CORIN: variants seen among roughly 807,000 people sequenced by gnomAD.
CORIN encodes corin, serine peptidase.
CORIN carries 117 observed loss-of-function variants against 125.3 expected under a neutral mutation model. The ratio of observed to expected loss-of-function variants is 0.93; its 90% CI spans 0.80 to 1.09. The LOEUF (loss-of-function observed/expected upper bound fraction) is 1.09, where lower values mean the gene tolerates loss of function less well. Among genes scored for constraint, CORIN ranks in the 50% least tolerant of loss-of-function variants. The pLI, the probability that CORIN is intolerant of heterozygous loss-of-function variation, is 0.00. For synonymous variants in CORIN, 450 were observed against 466.4 expected, an observed-to-expected ratio of 0.96 and a Z score of 0.45; for missense variants, 1,253 against 1,306.7, an observed-to-expected ratio of 0.96 and a Z score of 0.63.
chr4:47,745,228 C>T (rs1349877294), intron 4 of CORIN, among the ~76,000 whole-genome samples: 2 of 152,180 alleles, frequency 1.3e-5, no homozygotes. Flanking sequence ...ACTTAACATG[C>T]CATGAAACAG....
chr4:47,658,746 C>T (rs1267876286), intron 12 of CORIN, among the ~76,000 whole-genome samples: 1 of 152,222 alleles, frequency 6.6e-6, no homozygotes, highest in Non-Finnish European at 1.5e-5. Flanking sequence ...ATTGTCTTAG[C>T]TCTTTGCTCC....
chr4:47,659,453 C>T (rs1724146572), intron 12 of CORIN, among the ~76,000 whole-genome samples: 1 of 152,156 alleles, frequency 6.6e-6, no homozygotes, highest in African/African-American at 2.4e-5. Flanking sequence ...GCAGCCTTTA[C>T]AGGAACCATG....
chr4:47,786,992 A>C (rs1730846614), intron 2 of CORIN, 67 bp from the exon 3 acceptor site: 1 of 1,128,590 alleles, frequency 8.9e-7, no homozygotes, highest in South Asian at 1.6e-5. Context: ...TTTATTTTAA[A>C]AAACATTAAG....
chr4:47,655,831 C>T (rs1162222813), intron 12 of CORIN, among the ~76,000 whole-genome samples: 1 of 141,648 alleles, frequency 7.1e-6, no homozygotes, highest in Non-Finnish European at 1.5e-5. Flanking sequence ...TTAAGTAATA[C>T]TTAAAAGTCT....
At chr4:47,709,390 C>G (rs1222754148) in intron 5 of CORIN, among the ~76,000 whole-genome samples, 1 of 152,072 alleles carries the variant, frequency 6.6e-6, no homozygotes, top group Admixed American at 6.5e-5. Context: ...ATCTCCCAGG[C>G]TCAAGCAATC....
intron 1 of CORIN, among the ~76,000 whole-genome samples, chr4:47,818,444 A>G (rs1360814331): frequency 6.6e-6 from 1 of 152,212 alleles, no homozygotes; most frequent in Non-Finnish European, 1.5e-5. Context: ...AGGAAGAAAG[A>G]CAAGTTCTCA....
chr4:47,809,237 A>G (rs930617839), intron 1 of CORIN, among the ~76,000 whole-genome samples: 9 of 152,184 alleles, frequency 5.9e-5, no homozygotes, highest in African/African-American at 2.2e-4. Flanking sequence ...TCCTGGAGCC[A>G]GATACATCTC....
intron 9 of CORIN, among the ~76,000 whole-genome samples, chr4:47,675,349 A>G (rs1488929708): frequency 6.6e-6 from 1 of 152,170 alleles, no homozygotes; most frequent in Non-Finnish European, 1.5e-5. Context: ...TCTTACCTAT[A>G]ATTCTAAGAT....
At chr4:47,799,852 A>T (rs542413096) in intron 2 of CORIN, among the ~76,000 whole-genome samples, 9 of 152,334 alleles carry the variant, frequency 5.9e-5, no homozygotes, top group African/African-American at 2.2e-4. Context: ...AATAACCCAA[A>T]TGTCTATCAA....
chr4:47,796,625 A>T (rs1008076083), intron 2 of CORIN, among the ~76,000 whole-genome samples: 3 of 152,204 alleles, frequency 2.0e-5, no homozygotes, highest in Admixed American at 6.5e-5. Flanking sequence ...TTTGGAGGTG[A>T]TGGATATGTT....
intron 4 of CORIN, among the ~76,000 whole-genome samples, chr4:47,760,796 A>G (rs1267799263): frequency 1.3e-5 from 2 of 152,198 alleles, no homozygotes; most frequent in Non-Finnish European, 2.9e-5. Flanking sequence ...TCTGCTGTTT[A>G]GTGTAGCCAT....
At chr4:47,817,168 C>A (rs1002706020) in intron 1 of CORIN, among the ~76,000 whole-genome samples, 4 of 152,002 alleles carry the variant, frequency 2.6e-5, no homozygotes, top group Non-Finnish European at 5.9e-5. Context: ...GTGTGATCAT[C>A]ACCCTACCTG....
At chr4:47,621,579 A>T (rs1722310128) in intron 19 of CORIN, among the ~76,000 whole-genome samples, 1 of 152,216 alleles carries the variant, frequency 6.6e-6, no homozygotes, top group Non-Finnish European at 1.5e-5. Flanking sequence ...ATAGCAACAG[A>T]TAGCTGGAAG....
intron 1 of CORIN, among the ~76,000 whole-genome samples, chr4:47,836,310 GT>G (rs1733406233): frequency 7.7e-6 from 1 of 129,118 alleles, no homozygotes; most frequent in Non-Finnish European, 1.8e-5. Context: ...TGTTTTGACT[GT>G]GACAAAAAAA....
intron 1 of CORIN, among the ~76,000 whole-genome samples, chr4:47,829,553 A>C (rs1330527227): frequency 6.6e-6 from 1 of 152,212 alleles, no homozygotes; most frequent in African/African-American, 2.4e-5. Context: ...TTCATGGCCA[A>C]TCAGTCAGAA....
chr4:47,814,074 A>T (rs1333160160), intron 1 of CORIN, among the ~76,000 whole-genome samples: 1 of 152,206 alleles, frequency 6.6e-6, no homozygotes, highest in African/African-American at 2.4e-5. Context: ...AACACTATGT[A>T]TTGGCTTGAG....
intron 7 of CORIN, chr4:47,682,707 T>G (rs1725345670): frequency 6.6e-6 from 1 of 152,208 alleles, no homozygotes; most frequent in Non-Finnish European, 1.5e-5. Context: ...TATTAAAATA[T>G]CATGCTGTAT....
At position 47,678,072 on chromosome 4, in the gene CORIN, A is replaced by G. The variant is rs115431350; in HGVS notation, c.1133-18T>C. 281 of 1,502,980 alleles carry G rather than the reference A, an allele frequency of 1.9e-4. 1 individual carries two copies. The African/African-American group carries it at 3.3e-3, about 18-fold the overall frequency. The allele number at this position is 1,502,980 out of a possible 1,614,324, so 93.1% of individuals were successfully genotyped here. A position where few individuals can be genotyped will look rare whatever the true frequency, so the allele number is the denominator to read the frequency against. ...GTGACAGGCTAGGAAGGACCATAAC[A>G]ATATTCACTTTATTTATTAATTCTT... On this transcript the variant is annotated intron_variant, in intron 8 of 21. Coordinates refer to ENST00000273857, the MANE Select transcript of CORIN (RefSeq NM_006587.4).
intron 1 of CORIN, chr4:47,837,424 A>C (rs2014934): frequency 0.81 from 190,402 of 234,178 alleles, 77,878 homozygotes; most frequent in East Asian, 0.98. Context: ...CCGGCGCCCG[A>C]GACGCCGGCG....
Sources: gnomAD v4.1 joint callset for allele counts (sites outside exome capture counted in the v4.1 genomes callset) on GRCh38, gnomAD v4.1.1 for gene constraint, MANE v1.5 for transcripts, NCBI Gene and HGNC (gene_info 2026-07-23, HGNC 2026-07-21) for gene names.